The following TAFA1 variants were observed in gnomAD, a reference collection of about 807,000 sequenced individuals.
TAFA1 encodes the protein chemokine-like protein TAFA-1.
A neutral mutation model predicts 18.5 loss-of-function variants in TAFA1; 4 were observed. The ratio of observed to expected loss-of-function variants is 0.22; its 90% confidence interval spans 0.11 to 0.49. The LOEUF (loss-of-function observed/expected upper bound fraction) is 0.49. TAFA1 is among the 20% of genes least tolerant of loss of function. The probability of loss-of-function intolerance (pLI) is 0.98; values close to 1 mark genes in which losing one functional copy is unlikely to be tolerated. For synonymous variants in TAFA1, 56 were observed against 55.2 expected (o/e 1.01, Z -0.06); for missense variants, 147 against 169.0 (o/e 0.87, Z 0.72).
chr3:68,031,760 A>C (rs1704939738), intron 2 of TAFA1, among the ~76,000 whole-genome samples: 1 of 152,158 alleles, frequency 6.6e-6, no homozygotes, highest in African/African-American at 2.4e-5. Flanking sequence ...ATCCCAAAAT[A>C]ACCCAGACAT....
chr3:68,241,827 T>A (rs1405074101), intron 2 of TAFA1, among the ~76,000 whole-genome samples: 1 of 152,126 alleles, frequency 6.6e-6, no homozygotes, highest in Non-Finnish European at 1.5e-5. Context: ...ACCCAAAAAG[T>A]CCATTTCACT....
At chr3:68,423,399 C>G (rs2070994809) in intron 3 of TAFA1, among the ~76,000 whole-genome samples, 1 of 152,070 alleles carries the variant, frequency 6.6e-6, no homozygotes, top group Non-Finnish European at 1.5e-5. Flanking sequence ...AGAAGGTCAG[C>G]CTGGGCTGTC....
At chr3:68,288,318 T>G (rs1196671410) in intron 2 of TAFA1, among the ~76,000 whole-genome samples, 2 of 152,202 alleles carry the variant, frequency 1.3e-5, no homozygotes, top group African/African-American at 2.4e-5. Flanking sequence ...TTAAGCAGCT[T>G]TGCTAAGGTA....
intron 2 of TAFA1, among the ~76,000 whole-genome samples, chr3:68,267,629 C>T (rs1204776030): frequency 3.3e-5 from 5 of 151,902 alleles, no homozygotes; most frequent in Non-Finnish European, 5.9e-5. Flanking sequence ...TATTTCTCTA[C>T]GTCTTGAAAG....
intron 2 of TAFA1, among the ~76,000 whole-genome samples, chr3:68,147,039 G>A (rs866452315): frequency 9.6e-4 from 142 of 148,306 alleles, no homozygotes; most frequent in East Asian, 8.7e-3. Flanking sequence ...GTGTGTGTGT[G>A]TATATATATA....
intron 2 of TAFA1, among the ~76,000 whole-genome samples, chr3:68,402,179 T>C (rs113061049): frequency 6.6e-6 from 1 of 152,216 alleles, no homozygotes; most frequent in African/African-American, 2.4e-5. Flanking sequence ...CCGGTATAAC[T>C]AATTCCCTTC....
intron 2 of TAFA1, among the ~76,000 whole-genome samples, chr3:68,094,112 G>A (rs2065059249): frequency 6.6e-6 from 1 of 152,074 alleles, no homozygotes; most frequent in Non-Finnish European, 1.5e-5. Flanking sequence ...ACCCATTAGA[G>A]TGGGGGGTGG....
intron 2 of TAFA1, among the ~76,000 whole-genome samples, chr3:68,287,949 C>G (rs2068043551): frequency 6.7e-6 from 1 of 150,154 alleles, no homozygotes; most frequent in South Asian, 2.1e-4. Context: ...TCTGAGTACC[C>G]TAAAATGATT....
At chr3:68,000,327 G>T (rs1375336354), upstream of TAFA1, among the ~76,000 whole-genome samples, 1 of 152,174 alleles carries the variant, frequency 6.6e-6, no homozygotes, top group Non-Finnish European at 1.5e-5. Flanking sequence ...AATAATTCCA[G>T]AAATAGCTAT....
chr3:68,056,718 A>T (rs1430516102), intron 2 of TAFA1, among the ~76,000 whole-genome samples: 1 of 152,158 alleles, frequency 6.6e-6, no homozygotes, highest in East Asian at 1.9e-4. Flanking sequence ...TCTGAGAGTC[A>T]TTGGCAAAGG....
intron 2 of TAFA1, among the ~76,000 whole-genome samples, chr3:68,043,243 T>G (rs150634874): frequency 0.011 from 1,656 of 152,218 alleles, 48 homozygotes; most frequent in Non-Finnish European, 0.01. Flanking sequence ...AACTGACAGG[T>G]GATTGCCTTT....
chr3:68,347,375 T>C (rs2106766201), intron 2 of TAFA1, among the ~76,000 whole-genome samples: 1 of 152,332 alleles, frequency 6.6e-6, no homozygotes, highest in East Asian at 1.9e-4. Flanking sequence ...TTTTAAATTC[T>C]GTTATTGTTT....
intron 2 of TAFA1, among the ~76,000 whole-genome samples, chr3:68,179,160 A>T (rs764209901): frequency 6.6e-6 from 1 of 152,200 alleles, no homozygotes; most frequent in Non-Finnish European, 1.5e-5. Flanking sequence ...ATTAGGCTAT[A>T]ACTTACTTCC....
chr3:68,313,175 A>T (rs1445296881), intron 2 of TAFA1, among the ~76,000 whole-genome samples: 1 of 152,228 alleles, frequency 6.6e-6, no homozygotes, highest in African/African-American at 2.4e-5. Flanking sequence ...GGGGACACAA[A>T]GCCAAACCAT....
intron 2 of TAFA1, among the ~76,000 whole-genome samples, chr3:68,080,083 C>A (rs1219756380): frequency 6.6e-6 from 1 of 152,054 alleles, no homozygotes; most frequent in Admixed American, 6.6e-5. Context: ...TTCTTTGTCT[C>A]TTTTGATCTT....
chr3:68,404,177 A>G (rs1022635868), intron 2 of TAFA1, among the ~76,000 whole-genome samples: 2 of 152,198 alleles, frequency 1.3e-5, no homozygotes, highest in Non-Finnish European at 2.9e-5. Flanking sequence ...TTCCTGAGAT[A>G]AATCCAGCTA....
chr3:68,015,184 G>A (rs1211353602), intron 2 of TAFA1, among the ~76,000 whole-genome samples: 1 of 152,118 alleles, frequency 6.6e-6, no homozygotes. Flanking sequence ...TGGTATTACT[G>A]GGGCTCTGGT....
chr3:68,242,050 G>C (rs977788995), intron 2 of TAFA1, among the ~76,000 whole-genome samples: 1 of 152,102 alleles, frequency 6.6e-6, no homozygotes, highest in Non-Finnish European at 1.5e-5. Context: ...ACCTTGCCCT[G>C]CCTAAGTCTG....
At chr3:68,321,504 T>C (rs960024558) in intron 2 of TAFA1, among the ~76,000 whole-genome samples, 2 of 152,214 alleles carry the variant, frequency 1.3e-5, no homozygotes, top group Non-Finnish European at 1.5e-5. Flanking sequence ...TCAAGACCTT[T>C]CTTTTTCAGC....
Sources: gnomAD v4.1 joint callset for allele counts (sites outside exome capture counted in the v4.1 genomes callset) on GRCh38, gnomAD v4.1.1 for gene constraint, MANE v1.5 for transcripts, NCBI Gene and HGNC (gene_info 2026-07-23, HGNC 2026-07-21) for gene names.